DPP6: variants seen among roughly 807,000 people sequenced by gnomAD.
DPP6 encodes dipeptidyl peptidase like 6, also known as A-type potassium channel modulatory protein DPP6.
In DPP6, 69 loss-of-function variants were observed where a neutral mutation model predicts 122.6. That is an observed-to-expected ratio of 0.56 (90% confidence interval 0.46 to 0.69). The LOEUF is 0.69. Among genes scored for constraint, DPP6 ranks in the 30% least tolerant of loss-of-function variants. The pLI, the probability that DPP6 is intolerant of heterozygous loss-of-function variation, is 0.00. For missense variants in DPP6, 928 were observed against 1,116.9 expected (o/e 0.83, Z 2.41); for synonymous variants, 418 against 433.1 (o/e 0.97, Z 0.43).
the DPP6 span, among the ~76,000 whole-genome samples, chr7:153,870,526 A>G: frequency 2.6e-5 from 4 of 152,130 alleles, no homozygotes; most frequent in Admixed American, 6.5e-5. Context: ...ACTTCTCTGC[A>G]TTAGTTATTC....
In DPP6 at chr7:154,451,085, C is replaced by CG. The variant is rs1332014374; in HGVS notation, c.358+4759dup. On this transcript the variant is annotated intron_variant, in intron 2 of 25. Transcript: ENST00000377770. ...GTGTCACTCAAGAGTGGAATAAGGCCGGTGTGGTGGCTCATGCCTGTAATC... is the reference window on the plus strand; with the variant it reads ...GTGTCACTCAAGAGTGGAATAAGGCCGGGTGTGGTGGCTCATGCCTGTAATC... 7.2e-5 allele frequency among the ~76,000 whole-genome samples: 11 copies of CG among 152,044 alleles called. No homozygotes were observed. The East Asian group carries it at 2.1e-3, about 30-fold the overall frequency.
At chr7:154,003,811 T>C (rs1055960145) in intron 1 of DPP6, among the ~76,000 whole-genome samples, 10 of 152,318 alleles carry the variant, frequency 6.6e-5, no homozygotes, top group Non-Finnish European at 1.5e-5. Context: ...GGTCCTTGCA[T>C]GGCCATGACA....
chr7:154,224,914 G>A (rs976355510), intron 1 of DPP6, among the ~76,000 whole-genome samples: 2 of 151,958 alleles, frequency 1.3e-5, no homozygotes, highest in African/African-American at 2.4e-5. Flanking sequence ...AGGCAGAGGC[G>A]GGCAGATTAC....
chr7:154,525,106 T>C (rs1827297949), intron 3 of DPP6, among the ~76,000 whole-genome samples: 1 of 152,210 alleles, frequency 6.6e-6, no homozygotes, highest in South Asian at 2.1e-4. Context: ...ATATTTCTGA[T>C]GCAAATTCAA....
intron 5 of DPP6, among the ~76,000 whole-genome samples, chr7:154,586,813 C>T (rs1181075751): frequency 1.3e-5 from 2 of 152,180 alleles, no homozygotes; most frequent in Non-Finnish European, 2.9e-5. Context: ...TAACTTCAGT[C>T]TGAGTGAGCA....
intron 3 of DPP6, among the ~76,000 whole-genome samples, chr7:154,488,367 G>A (rs1823979804): frequency 6.6e-6 from 1 of 151,802 alleles, no homozygotes; most frequent in Admixed American, 6.6e-5. Flanking sequence ...GCGGGTGCCT[G>A]TAGTCCCAGC....
intron 2 of DPP6, among the ~76,000 whole-genome samples, chr7:154,454,665 C>T (rs1586322068): frequency 1.3e-5 from 2 of 152,188 alleles, no homozygotes; most frequent in East Asian, 1.9e-4. Context: ...GCCTGGAGCG[C>T]ACAGGGCCTG....
chr7:153,924,687 C>A (rs1166398563), intron 1 of DPP6, among the ~76,000 whole-genome samples: 1 of 152,170 alleles, frequency 6.6e-6, no homozygotes, highest in Non-Finnish European at 1.5e-5. Flanking sequence ...TGCCAGTAAG[C>A]AACAGACCAT....
chr7:153,938,230 C>T lies in DPP6; in HGVS notation c.51+50496C>T, dbSNP rs189916588. On this transcript the variant is annotated intron_variant, in intron 1 of 25. Transcript: ENST00000404039. ...TTTTCTGTCCTCTGCCTTTCATCTTCGTTCTACTCATGCGTTTGCCCCAGA... is the reference window on the plus strand; with the variant it reads ...TTTTCTGTCCTCTGCCTTTCATCTTTGTTCTACTCATGCGTTTGCCCCAGA... Among the ~76,000 whole-genome samples the T allele has an allele frequency of 5.7e-3, 869 of 152,302 alleles. 4 individuals carry two copies. Among genetic ancestry groups the T allele is most frequent in the Admixed American group, 0.011 (173 of 15,298 alleles).
intron 6 of DPP6, among the ~76,000 whole-genome samples, chr7:154,666,377 C>T (rs76587511): frequency 0.11 from 16,811 of 151,302 alleles, 989 homozygotes; most frequent in African/African-American, 0.13. Context: ...TATAAATTGA[C>T]AAATGATAAT....
At chr7:154,488,588 C>G (rs1333231082) in intron 3 of DPP6, among the ~76,000 whole-genome samples, 1 of 151,790 alleles carries the variant, frequency 6.6e-6, no homozygotes. Flanking sequence ...TGTTCTCCAT[C>G]GTAAGTTTGA....
intron 10 of DPP6, among the ~76,000 whole-genome samples, chr7:154,777,674 C>T (rs1296305698): frequency 6.6e-6 from 1 of 152,064 alleles, no homozygotes; most frequent in East Asian, 1.9e-4. Flanking sequence ...GACATGTTGC[C>T]CTGTGCTGAT....
At chr7:154,300,588 C>T (rs1245743310) in intron 1 of DPP6, among the ~76,000 whole-genome samples, 3 of 152,154 alleles carry the variant, frequency 2.0e-5, no homozygotes, top group African/African-American at 7.2e-5. Context: ...GACTGGATCT[C>T]CCGCCCAAGC....
intron 8 of DPP6, among the ~76,000 whole-genome samples, chr7:154,766,039 C>A (rs1795875445): frequency 6.6e-6 from 1 of 152,130 alleles, no homozygotes; most frequent in Non-Finnish European, 1.5e-5. Flanking sequence ...ACTTTTTTAC[C>A]CCTTAGTTTC....
At chr7:153,777,865 CATG>C in the DPP6 span, among the ~76,000 whole-genome samples, 1 of 145,654 alleles carries the variant, frequency 6.9e-6, no homozygotes. Context: ...AATTGTACAA[CATG>C]AGGGTGAGTT....
chr7:154,562,266 C>T (rs1018951006), intron 4 of DPP6, among the ~76,000 whole-genome samples: 1 of 152,116 alleles, frequency 6.6e-6, no homozygotes, highest in African/African-American at 2.4e-5. Context: ...TAGCTTATCC[C>T]AGCATGCAAG....
At chr7:154,154,100 A>G (rs1423767727) in intron 1 of DPP6, among the ~76,000 whole-genome samples, 1 of 152,252 alleles carries the variant, frequency 6.6e-6, no homozygotes, top group Non-Finnish European at 1.5e-5. Context: ...GGCAGCAGGA[A>G]AAGTCCAAAG....
chr7:154,663,965 G>A (rs571752148), intron 6 of DPP6, among the ~76,000 whole-genome samples: 1 of 91,436 alleles, frequency 1.1e-5, no homozygotes, highest in Non-Finnish European at 2.6e-5. Context: ...GCGTATTGGC[G>A]CTAGTATTCA....
chr7:153,881,650 T>A, the DPP6 span, among the ~76,000 whole-genome samples: 1 of 152,136 alleles, frequency 6.6e-6, no homozygotes, highest in Non-Finnish European at 1.5e-5. Flanking sequence ...CATTCCTGTT[T>A]TTGTAGGACA....
Sources: gnomAD v4.1 joint callset for allele counts (sites outside exome capture counted in the v4.1 genomes callset) on GRCh38, gnomAD v4.1.1 for gene constraint, MANE v1.5 for transcripts, NCBI Gene and HGNC (gene_info 2026-07-23, HGNC 2026-07-21) for gene names.